Variants in PRKG1 observed in about 807,000 individuals in gnomAD.
PRKG1 encodes the protein cGMP-dependent protein kinase 1.
Under a neutral mutation model 88.1 loss-of-function variants are expected in PRKG1, and 35 were observed. That is an observed-to-expected ratio of 0.40 (90% CI 0.30 to 0.53). The LOEUF (loss-of-function observed/expected upper bound fraction) is 0.53. Among genes scored for constraint, PRKG1 ranks in the 20% least tolerant of loss-of-function variants. PRKG1 has a pLI of 0.59. For missense variants in PRKG1, 540 were observed against 839.8 expected (o/e 0.64, Z 4.41); for synonymous variants, 303 against 292.5 (o/e 1.04, Z -0.37).
chr10:51,963,936 T>A (rs575598609), intron 5 of PRKG1, among the ~76,000 whole-genome samples: 89 of 152,330 alleles, frequency 5.8e-4, no homozygotes, highest in Admixed American at 1.2e-3. Flanking sequence ...ATAAATGTAT[T>A]ATTTTATAGT....
intron 9 of PRKG1, among the ~76,000 whole-genome samples, chr10:52,248,461 G>A (rs574198070): frequency 1.4e-4 from 22 of 152,150 alleles, no homozygotes; most frequent in Non-Finnish European, 2.4e-4. Flanking sequence ...TCAAGAGGAC[G>A]ACTATTCAAA....
chr10:51,868,512 C>G lies in PRKG1; in HGVS notation c.699-38995C>G, dbSNP rs1238340152. Among the ~76,000 whole-genome samples, 3 of 151,862 alleles carry G rather than the reference C, an allele frequency of 2.0e-5. No individual in the cohort carries two copies. The East Asian group carries it at 5.8e-4, about 29-fold the overall frequency. On this transcript the variant is annotated intron_variant, in intron 4 of 17. Coordinates refer to ENST00000373980, the MANE Select transcript of PRKG1 (RefSeq NM_006258.4). The stretch of plus-strand genomic sequence containing the variant: ...TTAAATTTATCCAATTTTTTTTCAT[C>G]TGTAGGATACTGAAAATATTCAGCC...
At chr10:51,238,303 C>T (rs1010860462) in intron 2 of PRKG1, among the ~76,000 whole-genome samples, 10 of 152,002 alleles carry the variant, frequency 6.6e-5, no homozygotes, top group Non-Finnish European at 1.0e-4. Flanking sequence ...AGTATTGGCC[C>T]GGCGAGATGG....
chr10:51,126,436 TATAA>T (rs1014255111), intron 1 of PRKG1, among the ~76,000 whole-genome samples: 10 of 141,608 alleles, frequency 7.1e-5, no homozygotes, highest in African/African-American at 2.6e-4. Flanking sequence ...CATATATTTA[TATAA>T]ATATTCATAT....
intron 2 of PRKG1, among the ~76,000 whole-genome samples, chr10:51,456,757 C>A (rs1839597289): frequency 6.6e-6 from 1 of 152,058 alleles, no homozygotes; most frequent in Admixed American, 6.6e-5. Context: ...ACCAAATAAT[C>A]CTATCAAAAA....
At chr10:52,245,270 A>C (rs1269505688) in intron 9 of PRKG1, among the ~76,000 whole-genome samples, 1 of 152,104 alleles carries the variant, frequency 6.6e-6, no homozygotes, top group African/African-American at 2.4e-5. Context: ...CTTTGGTTAC[A>C]TAAAAAATGA....
chr10:51,819,514 T>TA (rs1195994070), intron 4 of PRKG1, among the ~76,000 whole-genome samples: 26 of 152,178 alleles, frequency 1.7e-4, no homozygotes, highest in Non-Finnish European at 3.1e-4. Context: ...CAAGAACCTG[T>TA]CTATATGTCT....
chr10:51,218,490 C>CAT (rs869105973), intron 2 of PRKG1, among the ~76,000 whole-genome samples: 4,692 of 40,564 alleles, frequency 0.12, 230 homozygotes, highest in Admixed American at 0.15. Context: ...CATCTATCTT[C>CAT]ATATATATAT....
At chr10:51,707,504 G>T (rs974508376) in intron 3 of PRKG1, among the ~76,000 whole-genome samples, 5 of 152,132 alleles carry the variant, frequency 3.3e-5, no homozygotes, top group Non-Finnish European at 7.3e-5. Flanking sequence ...GAACGCAGAA[G>T]TATCCTCATA....
rs546406889 is a variant in PRKG1, at chr10:51,984,165, G to T, written c.763-70319G>T. Among the ~76,000 whole-genome samples, 6 of 152,260 alleles carry T rather than the reference G, an allele frequency of 3.9e-5. No homozygotes were observed. The South Asian group carries it at 1.2e-3, about 32-fold the overall frequency. ...TAAAGAAAGAAAACTTCTCTGTGAG[G>T]CATGTTACAAAGGGTGATATGAGAA... is the stretch of plus-strand genomic sequence containing the variant. On this transcript the variant is annotated intron_variant, in intron 5 of 17. Coordinates refer to ENST00000373980, the MANE Select transcript of PRKG1 (RefSeq NM_006258.4).
At chr10:51,709,468 C>T (rs921833330) in intron 3 of PRKG1, among the ~76,000 whole-genome samples, 1 of 152,200 alleles carries the variant, frequency 6.6e-6, no homozygotes, top group Non-Finnish European at 1.5e-5. Context: ...TCTCTCTGGC[C>T]TCCAGGTGTT....
intron 3 of PRKG1, among the ~76,000 whole-genome samples, chr10:51,581,395 G>A (rs1051844891): frequency 3.3e-5 from 5 of 152,110 alleles, no homozygotes; most frequent in Admixed American, 3.3e-4. Context: ...TCAGAAGGGA[G>A]TATGCCCTAA....
intron 1 of PRKG1, among the ~76,000 whole-genome samples, chr10:51,011,972 C>T (rs1842999212): frequency 6.6e-6 from 1 of 152,186 alleles, no homozygotes; most frequent in African/African-American, 2.4e-5. Context: ...AAGAAGAGAA[C>T]TTGTGCAGGG....
intron 3 of PRKG1, among the ~76,000 whole-genome samples, chr10:51,754,353 G>T (rs997936018): frequency 6.6e-6 from 1 of 152,152 alleles, no homozygotes; most frequent in African/African-American, 2.4e-5. Flanking sequence ...TCATTCAGTG[G>T]CAAGGAGTCA....
intron 3 of PRKG1, among the ~76,000 whole-genome samples, chr10:51,607,619 AG>A (rs1377647428): frequency 6.6e-6 from 1 of 152,206 alleles, no homozygotes; most frequent in East Asian, 1.9e-4. Flanking sequence ...CATTACAGTC[AG>A]CAGAACCTGC....
intron 1 of PRKG1, among the ~76,000 whole-genome samples, chr10:51,121,549 A>G (rs4489691): frequency 0.8 from 121,149 of 151,970 alleles, 48,860 homozygotes; most frequent in South Asian, 0.87. Flanking sequence ...AGAACTTTTT[A>G]TGTCATATCT....
chr10:52,197,414 C>G (rs1589692732), intron 9 of PRKG1, among the ~76,000 whole-genome samples: 1 of 152,020 alleles, frequency 6.6e-6, no homozygotes, highest in East Asian at 1.9e-4. Context: ...GGAATGATAT[C>G]AAGAGAATAG....
intron 2 of PRKG1, among the ~76,000 whole-genome samples, chr10:51,442,327 A>T (rs1226261075): frequency 2.0e-5 from 3 of 151,944 alleles, no homozygotes; most frequent in Admixed American, 6.6e-5. Context: ...AGCAAATCAA[A>T]TTCTATTTAG....
At chr10:51,334,042 T>A (rs1376311287) in intron 2 of PRKG1, among the ~76,000 whole-genome samples, 1 of 152,160 alleles carries the variant, frequency 6.6e-6, no homozygotes, top group Non-Finnish European at 1.5e-5. Flanking sequence ...ATGCCGAAAC[T>A]CTTTAATAAG....
Sources: gnomAD v4.1 joint callset for allele counts (sites outside exome capture counted in the v4.1 genomes callset) on GRCh38, gnomAD v4.1.1 for gene constraint, MANE v1.5 for transcripts, NCBI Gene and HGNC (gene_info 2026-07-23, HGNC 2026-07-21) for gene names.